ZMAT4: variants seen among roughly 807,000 people sequenced by gnomAD.
ZMAT4 encodes zinc finger matrin-type protein 4.
A neutral mutation model predicts 28.7 loss-of-function variants in ZMAT4; 17 were observed. The observed-to-expected ratio is 0.59, with a 90% confidence interval of 0.41 to 0.89. The LOEUF (loss-of-function observed/expected upper bound fraction) is 0.89, where lower values mean the gene tolerates loss of function less well. ZMAT4 is among the 40% of genes least tolerant of loss of function. The pLI is 0.00. For synonymous variants in ZMAT4, 117 were observed against 109.2 expected (o/e 1.07, Z -0.44); for missense variants, 240 against 283.8 (o/e 0.85, Z 1.11).
intron 5 of ZMAT4, among the ~76,000 whole-genome samples, chr8:40,609,897 C>G (rs950818197): frequency 2.0e-5 from 3 of 152,226 alleles, no homozygotes; most frequent in African/African-American, 4.8e-5. Context: ...ATGCAAGTCA[C>G]AGAATTTGCT....
At chr8:40,820,769 A>ATG in intron 2 of ZMAT4, among the ~76,000 whole-genome samples, 60 of 274 alleles carry the variant, frequency 0.22, 1 homozygote, top group South Asian at 0.5. Flanking sequence ...ATGCATGTGT[A>ATG]TATGTGTTTA....
At chr8:40,838,247 G>C (rs767690468) in intron 1 of ZMAT4, among the ~76,000 whole-genome samples, 1 of 152,248 alleles carries the variant, frequency 6.6e-6, no homozygotes, top group Non-Finnish European at 1.5e-5. Flanking sequence ...CAGGAAATGA[G>C]ACTGCATTGA....
chr8:40,768,010 T>G (rs1813234842), intron 2 of ZMAT4, among the ~76,000 whole-genome samples: 1 of 152,102 alleles, frequency 6.6e-6, no homozygotes, highest in Non-Finnish European at 1.5e-5. Context: ...TATTTAATTT[T>G]CCTCAAAAAT....
At chr8:40,658,294 C>A (rs1459716477) in intron 5 of ZMAT4, among the ~76,000 whole-genome samples, 2 of 152,136 alleles carry the variant, frequency 1.3e-5, no homozygotes, top group African/African-American at 4.8e-5. Flanking sequence ...CTAGTTCCTC[C>A]TATGCATATT....
At chr8:40,655,605 A>C (rs1270216447) in intron 5 of ZMAT4, among the ~76,000 whole-genome samples, 1 of 152,064 alleles carries the variant, frequency 6.6e-6, no homozygotes. Context: ...AGAAAAAAAA[A>C]AGACATATGA....
intron 3 of ZMAT4, among the ~76,000 whole-genome samples, chr8:40,734,654 G>C (rs1811686745): frequency 6.6e-6 from 1 of 152,132 alleles, no homozygotes; most frequent in Non-Finnish European, 1.5e-5. Flanking sequence ...CCAACTCTCT[G>C]TAGAAACCAT....
chr8:40,875,436 A>T (rs1359112547), intron 1 of ZMAT4, among the ~76,000 whole-genome samples: 1 of 152,154 alleles, frequency 6.6e-6, no homozygotes, highest in Admixed American at 6.5e-5. Context: ...GAAAAGAAAG[A>T]GTTAATAAGC....
chr8:40,611,357 C>CTT (rs869135091), intron 5 of ZMAT4, among the ~76,000 whole-genome samples: 1 of 146,380 alleles, frequency 6.8e-6, no homozygotes, highest in Non-Finnish European at 1.5e-5. Flanking sequence ...CAGAAACTCA[C>CTT]TTTTTTTTTT....
At chr8:40,761,997 G>A (rs12550491) in intron 3 of ZMAT4, among the ~76,000 whole-genome samples, 149,023 of 152,308 alleles carry the variant, frequency 0.98, 72,983 homozygotes, top group East Asian at 1. Flanking sequence ...CTAACTCTCA[G>A]TGCTGGGTAC....
chr8:40,846,535 C>A (rs773689119), intron 1 of ZMAT4, among the ~76,000 whole-genome samples: 2 of 152,204 alleles, frequency 1.3e-5, no homozygotes. Context: ...AAAATCATTG[C>A]GCTGTTTGTT....
intron 6 of ZMAT4, among the ~76,000 whole-genome samples, chr8:40,556,207 A>G (rs1485999631): frequency 1.3e-5 from 2 of 152,158 alleles, no homozygotes; most frequent in African/African-American, 4.8e-5. Context: ...AACTACCGCT[A>G]GATGAGAATT....
chr8:40,801,560 C>T (rs1001313718), intron 2 of ZMAT4, among the ~76,000 whole-genome samples: 1 of 151,588 alleles, frequency 6.6e-6, no homozygotes, highest in Non-Finnish European at 1.5e-5. Context: ...ATCCCAGCTA[C>T]TCAGGAGGCT....
At chr8:40,821,532 G>C (rs1453539583) in intron 2 of ZMAT4, among the ~76,000 whole-genome samples, 1 of 152,092 alleles carries the variant, frequency 6.6e-6, no homozygotes, top group Non-Finnish European at 1.5e-5. Context: ...GCATGTAAAG[G>C]TTTGGTTGGT....
intron 4 of ZMAT4, among the ~76,000 whole-genome samples, chr8:40,690,051 A>C (rs1406176014): frequency 1.3e-5 from 2 of 152,170 alleles, no homozygotes; most frequent in African/African-American, 4.8e-5. Context: ...ACTATAAAAC[A>C]AAAAACACAG....
chr8:40,617,769 A>C (rs982240374), intron 5 of ZMAT4, among the ~76,000 whole-genome samples: 5 of 152,216 alleles, frequency 3.3e-5, no homozygotes, highest in Non-Finnish European at 7.3e-5. Flanking sequence ...CACATAACAA[A>C]AGATGATAGC....
At chr8:40,561,791 T>G (rs1313808703) in intron 6 of ZMAT4, among the ~76,000 whole-genome samples, 1 of 152,164 alleles carries the variant, frequency 6.6e-6, no homozygotes, top group African/African-American at 2.4e-5. Flanking sequence ...TTTTTTTAGC[T>G]CATCAGCTAT....
At chr8:40,825,711 A>G (rs1314497932) in intron 1 of ZMAT4, 31 bp from the exon 2 acceptor site, 1 of 1,508,282 alleles carries the variant, frequency 6.6e-7, no homozygotes, top group Non-Finnish European at 9.0e-7. Context: ...AAGAAAAATG[A>G]GTCCACTGCT....
chr8:40,692,501 G>T (rs938886351), intron 4 of ZMAT4, among the ~76,000 whole-genome samples: 2 of 152,132 alleles, frequency 1.3e-5, no homozygotes. Flanking sequence ...TCACAATAAA[G>T]GCTTATTTCT....
intron 6 of ZMAT4, among the ~76,000 whole-genome samples, chr8:40,575,889 T>G (rs997147720): frequency 2.0e-5 from 3 of 151,790 alleles, no homozygotes; most frequent in Non-Finnish European, 4.4e-5. Context: ...TACAAGAGAA[T>G]ACAGATAGAC....
Sources: allele counts gnomAD v4.1 joint callset (sites outside exome capture counted in the v4.1 genomes callset), GRCh38; gene constraint gnomAD v4.1.1; transcripts MANE v1.5; gene names NCBI Gene and HGNC (gene_info 2026-07-23, HGNC 2026-07-21).